The following ZNF462 variants were observed in gnomAD, a reference collection of about 807,000 sequenced individuals.
The protein encoded by ZNF462 is zinc finger PBX1-interacting protein.
A neutral mutation model predicts 201.9 loss-of-function variants in ZNF462; 10 were observed. That is an observed-to-expected ratio of 0.05 (90% CI 0.03 to 0.08). The LOEUF (loss-of-function observed/expected upper bound fraction) is 0.08, where lower values mean the gene tolerates loss of function less well. Among genes scored for constraint, ZNF462 ranks in the 10% least tolerant of loss-of-function variants. ZNF462 has a pLI of 1.00. For missense variants in ZNF462, 2,523 were observed against 3,168.3 expected, an observed-to-expected ratio of 0.80 and a Z score of 4.89; for synonymous variants, 1,227 against 1,193.3, an observed-to-expected ratio of 1.03 and a Z score of -0.58.
intron 7 of ZNF462, among the ~76,000 whole-genome samples, chr9:106,961,339 T>G (rs1831828733): frequency 6.6e-6 from 1 of 152,088 alleles, no homozygotes; most frequent in Admixed American, 6.6e-5. Flanking sequence ...TGAATTACAT[T>G]GCATTCAAGT....
At chr9:106,918,912 G>A (rs1337232868) in intron 1 of ZNF462, among the ~76,000 whole-genome samples, 1 of 152,216 alleles carries the variant, frequency 6.6e-6, no homozygotes, top group Non-Finnish European at 1.5e-5. Flanking sequence ...TTAGAATTAT[G>A]ATTGAGGAGA....
chr9:106,971,378 C>A (rs373821412), intron 7 of ZNF462, among the ~76,000 whole-genome samples: 3 of 142,912 alleles, frequency 2.1e-5, no homozygotes, highest in Non-Finnish European at 1.5e-5. Context: ...AAAAAAAAAA[C>A]AACAACAACA....
chr9:106,985,128 AATGAGCCAACATGACT>A (rs1480526997), intron 10 of ZNF462, among the ~76,000 whole-genome samples: 2 of 152,124 alleles, frequency 1.3e-5, no homozygotes, highest in Non-Finnish European at 1.5e-5. Context: ...ACAATACATA[AATGAGCCAACATGACT>A]ATGTTCCAGT....
intron 7 of ZNF462, among the ~76,000 whole-genome samples, chr9:106,944,570 T>C (rs1489927092): frequency 6.6e-6 from 1 of 152,204 alleles, no homozygotes; most frequent in East Asian, 1.9e-4. Flanking sequence ...TTCTTTGTGT[T>C]GGAAACATTC....
Position 106,963,871 on chromosome 9 carries a change from C to T in ZNF462, c.6428-8134C>T, listed in dbSNP as rs1008682053. On this transcript the variant is annotated intron_variant, in intron 7 of 12. Transcript: ENST00000277225. The surrounding 1 kb of genome is among the most constrained non-coding windows in gnomAD (Gnocchi z 4.7). The stretch of plus-strand genomic sequence containing the variant: ...CCTTCTACCCACAGCCCCTGGCAAC[C>T]ACCATTCTACTGTCTGTCTGTATGG... Among the ~76,000 whole-genome samples, 1 of 152,044 alleles carries T rather than the reference C, an allele frequency of 6.6e-6. No homozygotes were observed. The highest frequency in any genetic ancestry group is 2.4e-5 in the African/African-American group (1 of 41,406).
In ZNF462 at chr9:106,900,203, C is replaced by CGTGTGTGTGTGT. The variant is rs3056258; in HGVS notation, c.-30-23112_-30-23101dup. 7.4e-5 allele frequency among the ~76,000 whole-genome samples: 10 copies of CGTGTGTGTGTGT among 134,748 alleles called. No homozygotes were observed. In the South Asian group the frequency reaches 7.9e-4, roughly 11 times the overall value. The allele number at this position is 134,748 out of a possible 152,430, so 88.4% of individuals were successfully genotyped here. A position where few individuals can be genotyped will look rare whatever the true frequency, so the allele number is the denominator to read the frequency against. On this transcript the variant is annotated intron_variant, in intron 1 of 12. Transcript: ENST00000277225. Reference sequence around the variant, plus strand: ...TTTTTATGGCTGCATAGTATTCCATCGTGTGTGTGTGTGTGTGTGTGTGTG... The same window carrying CGTGTGTGTGTGT: ...TTTTTATGGCTGCATAGTATTCCATCGTGTGTGTGTGTGTGTGTGTGTGTGTGTGTGTGTGTG...
rs752631906 is a variant in ZNF462, at chr9:106,926,170, C to T, written c.2258C>T (p.Thr753Ile). The T allele has an allele frequency of 3.7e-6, 6 of 1,614,226 alleles. No individual in the cohort carries two copies. The highest frequency in any genetic ancestry group is 1.3e-5 in the African/African-American group (1 of 75,064). ...EPTEPIIEVP[T>I]SFSAQQIWVR... is the part of the protein sequence containing the mutation. ...ACAGAACCCATCATAGAGGTTCCCA[C>T]TTCCTTTTCTGCCCAACAGATATGG... Residue 753 changes from threonine to isoleucine, a missense_variant, in exon 3 of 13, where the codon ACT becomes ATT. Thr to Ile is a moderately conservative substitution (Grantham distance 89). Around this residue, in one of 15 missense-constraint regions of ZNF462, gnomAD observed 383 missense variants for 453.4 expected, o/e 0.84. Coordinates refer to ENST00000277225, the MANE Select transcript of ZNF462 (RefSeq NM_021224.6). The surrounding 1 kb of genome is among the most constrained non-coding windows in gnomAD (Gnocchi z 7.9).
At position 106,938,310 on chromosome 9, in the gene ZNF462, C is replaced by T. The variant is rs1186779612; in HGVS notation, c.6236-606C>T. 6.6e-6 allele frequency among the ~76,000 whole-genome samples: 1 copy of T among 152,132 alleles called. No individual in the cohort carries two copies. The highest frequency in any genetic ancestry group is 1.9e-4 in the East Asian group (1 of 5,202). On this transcript the variant is annotated intron_variant, in intron 6 of 12. Coordinates refer to ENST00000277225, the MANE Select transcript of ZNF462 (RefSeq NM_021224.6). The surrounding 1 kb of genome is among the most constrained non-coding windows in gnomAD (Gnocchi z 4.4). ...CTTAGAGAAATGACTTATTTTTACC[C>T]ATTTCTGTGCTATTGACTAGATAAG...
intron 1 of ZNF462, among the ~76,000 whole-genome samples, chr9:106,916,167 A>C (rs1829765826): frequency 6.6e-6 from 1 of 152,146 alleles, no homozygotes; most frequent in Non-Finnish European, 1.5e-5. Flanking sequence ...AAACAAGGTA[A>C]GTTGTTAAAA....
At position 106,924,915 on chromosome 9, in the gene ZNF462, G is replaced by A. The variant is rs1307024650; in HGVS notation, c.1003G>A (p.Ala335Thr). Residue 335 changes from alanine to threonine, a missense_variant, in exon 3 of 13, where the codon GCT becomes ACT. By Grantham distance (58) the Ala-to-Thr change is moderately conservative (BLOSUM62 0). Coordinates refer to ENST00000277225, the MANE Select transcript of ZNF462 (RefSeq NM_021224.6). The surrounding 1 kb of genome is among the most constrained non-coding windows in gnomAD (Gnocchi z 6.2). ...CTCCATCATGAGACCCAATTCTTCA[G>A]CTTCCAAGTTTTCGCCCATGTCTTA... ...GNSIMRPNSS[A>T]SKFSPMSYPQ... 2.5e-6 allele frequency: 4 copies of A among 1,614,042 alleles called. No individual in the cohort carries two copies. In the African/African-American group the frequency reaches 4.0e-5, roughly 16 times the overall value.
intron 7 of ZNF462, among the ~76,000 whole-genome samples, chr9:106,969,974 T>A (rs1826506078): frequency 6.6e-6 from 1 of 152,156 alleles, no homozygotes; most frequent in African/African-American, 2.4e-5. Flanking sequence ...TCATTGTGCA[T>A]GTGTTTCAAG....
chr9:106,986,976 C>CATACATAG (rs1827883283), intron 10 of ZNF462, among the ~76,000 whole-genome samples: 1 of 143,338 alleles, frequency 7.0e-6, no homozygotes, highest in South Asian at 2.4e-4. Context: ...AGTATTCCAT[C>CATACATAG]ATAGATAGAT....
At chr9:106,868,352 A>G (rs967494815) in intron 1 of ZNF462, among the ~76,000 whole-genome samples, 1 of 152,210 alleles carries the variant, frequency 6.6e-6, no homozygotes, top group Non-Finnish European at 1.5e-5. Context: ...TTTTAATAGC[A>G]CAAGTCTTAG....
intron 10 of ZNF462, among the ~76,000 whole-genome samples, chr9:107,002,346 A>G (rs1401673813): frequency 6.6e-6 from 1 of 152,186 alleles, no homozygotes; most frequent in Non-Finnish European, 1.5e-5. Context: ...CAAGGGGAGC[A>G]TAACACCTTA....
chr9:106,928,288 C>T lies in ZNF462; in HGVS notation c.4376C>T (p.Ala1459Val). The T allele has an allele frequency of 6.2e-7, 1 of 1,613,876 alleles. No individual in the cohort carries two copies. The highest frequency in any genetic ancestry group is 8.5e-7 in the Non-Finnish European group (1 of 1,179,930). ...RLSPEKSLQL[A>V]SANPAISSTP... is the part of the protein sequence containing the mutation. Reference sequence around the variant, plus strand: ...TCCCCTGAGAAAAGCCTGCAGCTAGCTTCAGCCAACCCCGCCATATCCTCC... The same window carrying T: ...TCCCCTGAGAAAAGCCTGCAGCTAGTTTCAGCCAACCCCGCCATATCCTCC... Residue 1459 changes from alanine (A) to valine (V), a missense_variant, in exon 3 of 13, where the codon GCT becomes GTT. Around this residue, in one of 15 missense-constraint regions of ZNF462, gnomAD observed 165 missense variants for 142.6 expected, o/e 1.16. Transcript: ENST00000277225. The surrounding 1 kb of genome is among the most constrained non-coding windows in gnomAD (Gnocchi z 9.3).
chr9:106,914,417 G>A (rs555940143), intron 1 of ZNF462, among the ~76,000 whole-genome samples: 1 of 152,272 alleles, frequency 6.6e-6, no homozygotes, highest in South Asian at 2.1e-4. Flanking sequence ...AACTAAAACT[G>A]CCTGCAGATA....
chr9:106,860,593 A>C (rs1326473675), upstream of ZNF462, among the ~76,000 whole-genome samples: 1 of 151,990 alleles, frequency 6.6e-6, no homozygotes, highest in Admixed American at 6.6e-5. The surrounding 1 kb of genome is among the most constrained non-coding windows in gnomAD (Gnocchi z 7.1). Flanking sequence ...AGCCTCCAAA[A>C]CCCAGCAGTA....
intron 1 of ZNF462, among the ~76,000 whole-genome samples, chr9:106,906,775 CATT>C (rs1193192497): frequency 6.6e-6 from 1 of 152,156 alleles, no homozygotes; most frequent in Non-Finnish European, 1.5e-5. Flanking sequence ...TTTTTCACAT[CATT>C]AAGTAGAAAA....
At position 106,984,666 on chromosome 9, in the gene ZNF462, C is replaced by G. The variant is rs68037703; in HGVS notation, c.7056+257C>G. Among the ~76,000 whole-genome samples the G allele has an allele frequency of 0.13, 20,333 of 152,216 alleles. 1,474 individuals are homozygous for G. Among genetic ancestry groups the G allele is most frequent in the African/African-American group, 0.17 (6,920 of 41,540 alleles). ...AAATGCTGAACATTTCTGGTCTGTT[C>G]TCTAGACCCACTTTCATTTGTTTTA... On this transcript the variant is annotated intron_variant, in intron 10 of 12. Transcript: ENST00000277225. This position sits in a 1 kb window ranked among gnomAD's most constrained non-coding sequence, Gnocchi z 6.4.
Sources: gnomAD v4.1 joint callset for allele counts (sites outside exome capture counted in the v4.1 genomes callset) on GRCh38, gnomAD v4.1.1 for gene constraint, gnomAD v4.1.1 regional missense constraint, Gnocchi (gnomAD v3.1) non-coding constraint, MANE v1.5 for transcripts, NCBI Gene and HGNC (gene_info 2026-07-23, HGNC 2026-07-21) for gene names.